MPG: variants seen among roughly 807,000 people sequenced by gnomAD.
MPG encodes N-methylpurine DNA glycosylase, also known as DNA-3-methyladenine glycosylase.
Under a neutral mutation model 31.7 loss-of-function variants are expected in MPG, and 33 were observed. The ratio of observed to expected loss-of-function variants is 1.04; its 90% confidence interval spans 0.79 to 1.39. MPG has a LOEUF of 1.39. MPG is among the 40% of genes most tolerant of loss of function. The pLI is 0.00. For synonymous variants in MPG, 202 were observed against 169.2 expected (o/e 1.19, Z -1.51); for missense variants, 455 against 415.5 (o/e 1.10, Z -0.83).
upstream of MPG, among the ~76,000 whole-genome samples, chr16:77,904 C>A (rs1391584080): frequency 6.6e-6 from 1 of 152,204 alleles, no homozygotes; most frequent in East Asian, 1.9e-4. Context: ...GGCCCGTCCT[C>A]TCGGTGGTCT....
At chr16:80,078 C>T (rs1898200226) in intron 2 of MPG, among the ~76,000 whole-genome samples, 1 of 152,254 alleles carries the variant, frequency 6.6e-6, no homozygotes, top group Non-Finnish European at 1.5e-5. Context: ...TAGTGGCTCA[C>T]AGTGCAGTGC....
chr16:82,001 C>T (rs1255698833), intron 2 of MPG, among the ~76,000 whole-genome samples: 3 of 124,344 alleles, frequency 2.4e-5, no homozygotes, highest in African/African-American at 4.7e-5. Flanking sequence ...ACCCTATCTC[C>T]GGGAAGCCCT....
In MPG at chr16:83,337, G is replaced by C. The variant is rs1041676264; in HGVS notation, c.505+81G>C. ...CAGCCAGGGGACCACTAGGAGGACTGAGGTGGGGCCAGCATTTGAGCGAGG... is the reference window on the plus strand; with the variant it reads ...CAGCCAGGGGACCACTAGGAGGACTCAGGTGGGGCCAGCATTTGAGCGAGG... On this transcript the variant is annotated intron_variant, in intron 3 of 3. Coordinates refer to ENST00000356432, the MANE Select transcript of MPG (RefSeq NM_001015052.3). The C allele has an allele frequency of 1.1e-5, 15 of 1,394,754 alleles. No individual in the cohort carries two copies. In the African/African-American group the frequency reaches 2.1e-4, roughly 20 times the overall value. 86.4% of individuals were successfully genotyped at this position (1,394,754 alleles called of 1,614,324 possible).
At position 79,720 on chromosome 16, in the gene MPG, G is replaced by C. The variant is rs368384855; in HGVS notation, c.300+20G>C. On this transcript the variant is annotated intron_variant, in intron 2 of 3. Coordinates refer to ENST00000356432, the MANE Select transcript of MPG (RefSeq NM_001015052.3). ...GGACAGGTAATGTGAACATAGCAGC[G>C]AGGGCCCTCCTGAAGTGCCTGTCAC... The C allele has an allele frequency of 6.5e-7, 1 of 1,540,540 alleles. No homozygotes were observed.
intron 1 of MPG, chr16:79,198 C>T (rs1898170864): frequency 6.5e-7 from 1 of 1,549,000 alleles, no homozygotes; most frequent in East Asian, 2.4e-5. Flanking sequence ...AGAGCAGCCA[C>T]CCTGCCCCCA....
chr16:83,204 G>A lies in MPG; in HGVS notation c.453G>A (p.Leu151=). 1 of 1,613,186 alleles carries A rather than the reference G, an allele frequency of 6.2e-7. No individual in the cohort carries two copies. The highest frequency in any genetic ancestry group is 8.5e-7 in the Non-Finnish European group (1 of 1,179,950). Residue 151 remains leucine, a synonymous_variant, in exon 3 of 4, where the codon CTG becomes CTA. Transcript: ENST00000356432. ...NRGMFMKPGT[L]YVYIIYGMYF... ...GCATGTTCATGAAGCCGGGGACCCTGTACGTGTACATCATTTACGGCATGT... is the reference window on the plus strand; with the variant it reads ...GCATGTTCATGAAGCCGGGGACCCTATACGTGTACATCATTTACGGCATGT...
rs148576448 is a variant in MPG at position 85,461 on chromosome 16, G to A, written c.566G>A (p.Arg189His). The part of the protein sequence containing the change: ...LEPLEGLETM[R>H]QLRSTLRKGT... ...CCCCTGGAAGGTCTGGAGACCATGC[G>A]TCAGCTTCGCAGCACCCTCCGGAAA... Residue 189 changes from arginine to histidine, a missense_variant, in exon 4 of 4, where the codon CGT becomes CAT. Physicochemically the swap from Arg to His is conservative, Grantham distance 29. Transcript: ENST00000356432. 2.7e-4 allele frequency: 428 copies of A among 1,612,916 alleles called. No homozygotes were observed. The highest frequency in any genetic ancestry group is 3.5e-4 in the Non-Finnish European group (415 of 1,180,018).
intron 2 of MPG, 88 bp downstream of exon 2, chr16:79,788 C>A: frequency 7.0e-7 from 1 of 1,425,544 alleles, no homozygotes; most frequent in Non-Finnish European, 9.5e-7. Context: ...GCTGGATTGG[C>A]CCTCAGTTAG....
At chr16:78,549 G>A (rs1267262450) in intron 1 of MPG, among the ~76,000 whole-genome samples, 1 of 152,214 alleles carries the variant, frequency 6.6e-6, no homozygotes, top group Non-Finnish European at 1.5e-5. Context: ...CTGGCAGCGC[G>A]GGCCGAGCTG....
rs767729141 is a variant in MPG at position 83,179 on chromosome 16, G to T, written c.428G>T (p.Gly143Val). ...GGCCGGCAGACCCCCCGCAACCGAGGCATGTTCATGAAGCCGGGGACCCTG... is the reference window on the plus strand; with the variant it reads ...GGCCGGCAGACCCCCCGCAACCGAGTCATGTTCATGAAGCCGGGGACCCTG... The part of the protein sequence containing the change: ...RGGRQTPRNR[G>V]MFMKPGTLYV... Residue 143 changes from glycine to valine, a missense_variant, in exon 3 of 4, where the codon GGC becomes GTC. Coordinates refer to ENST00000356432, the MANE Select transcript of MPG (RefSeq NM_001015052.3). 6.2e-6 allele frequency: 10 copies of T among 1,613,060 alleles called. No individual in the cohort carries two copies. The African/African-American group carries it at 1.3e-4, about 22-fold the overall frequency.
At chr16:83,776 G>C (rs990337940) in intron 3 of MPG, among the ~76,000 whole-genome samples, 1 of 151,898 alleles carries the variant, frequency 6.6e-6, no homozygotes, top group Admixed American at 6.6e-5. Context: ...AGAAAGGGTT[G>C]GTTGGAGTGG....
rs1898396315 is a variant in MPG at position 85,265 on chromosome 16, G to A, written c.506-136G>A. 2.9e-6 allele frequency: 3 copies of A among 1,036,452 alleles called. No homozygotes were observed. In the Admixed American group the frequency reaches 7.0e-5, roughly 24 times the overall value. The allele number at this position is 1,036,452 out of a possible 1,614,324, so 64.2% of individuals were successfully genotyped here. ...CAGGTCAGACCCAGGAGATGGTGCA[G>A]GTGCACAGAGCAGGTCCCTGGCCCA... On this transcript the variant is annotated intron_variant, in intron 3 of 3. Coordinates refer to ENST00000356432, the MANE Select transcript of MPG (RefSeq NM_001015052.3).
chr16:80,999 A>G (rs1898222860), intron 2 of MPG, among the ~76,000 whole-genome samples: 2 of 152,208 alleles, frequency 1.3e-5, no homozygotes, highest in South Asian at 4.1e-4. Flanking sequence ...GATGTCCAGC[A>G]GAGAAGAGGG....
At chr16:80,757 T>C (rs1393779466) in intron 2 of MPG, among the ~76,000 whole-genome samples, 1 of 151,938 alleles carries the variant, frequency 6.6e-6, no homozygotes, top group African/African-American at 2.4e-5. Context: ...TGCAGAGAGC[T>C]GAGATCACGC....
In MPG at chr16:83,061, C is replaced by A; in HGVS notation, c.310C>A (p.Arg104=). 1 of 1,600,438 alleles carries A rather than the reference C, an allele frequency of 6.2e-7. No homozygotes were observed. Among genetic ancestry groups the A allele is most frequent in the Non-Finnish European group, 8.5e-7 (1 of 1,171,874 alleles). Residue 104 remains arginine (R), a synonymous_variant, in exon 3 of 4, where the codon CGG becomes AGG. Transcript: ENST00000356432. ...AACTGACTGCCCACAGGTCCTAGTC[C>A]GGCGACTTCCTAATGGCACAGAACT... ...ARAFLGQVLV[R]RLPNGTELRG... is the part of the protein sequence containing the mutation.
chr16:80,432 G>A (rs1166173384), intron 2 of MPG, among the ~76,000 whole-genome samples: 1 of 152,216 alleles, frequency 6.6e-6, no homozygotes, highest in Non-Finnish European at 1.5e-5. Flanking sequence ...TGCTAAAGGA[G>A]CAGACCCTAG....
At chr16:83,762 GA>G (rs1232761836) in intron 3 of MPG, among the ~76,000 whole-genome samples, 1 of 151,270 alleles carries the variant, frequency 6.6e-6, no homozygotes, top group Admixed American at 6.6e-5. Context: ...AAAAGGAAAG[GA>G]AAAGAAAGGG....
intron 1 of MPG, chr16:79,125 C>CA: frequency 6.7e-7 from 1 of 1,483,556 alleles, no homozygotes; most frequent in Middle Eastern, 2.4e-4. Context: ...CTCAGGCCCC[C>CA]ATCTGCTCCC....
intron 3 of MPG, among the ~76,000 whole-genome samples, chr16:83,672 C>T (rs1198777815): frequency 3.4e-5 from 5 of 148,268 alleles, no homozygotes; most frequent in African/African-American, 7.5e-5. Context: ...ACCCGGGAGG[C>T]GGAGGTTGCA....
Sources: gnomAD v4.1 joint callset for allele counts (sites outside exome capture counted in the v4.1 genomes callset) on GRCh38, gnomAD v4.1.1 for gene constraint, MANE v1.5 for transcripts, NCBI Gene and HGNC (gene_info 2026-07-23, HGNC 2026-07-21) for gene names.